AXIN2: variants seen among roughly 807,000 people sequenced by gnomAD.
AXIN2 encodes axin 2, also known as axin-2.
AXIN2 carries 21 observed loss-of-function variants against 74.7 expected under a neutral mutation model. That is an observed-to-expected ratio of 0.28 (90% confidence interval 0.20 to 0.40). The LOEUF (loss-of-function observed/expected upper bound fraction) is 0.40. Ranked by LOEUF, AXIN2 falls within the 10% of genes least tolerant of loss-of-function variation. The pLI is 1.00. For synonymous variants in AXIN2, 532 were observed against 454.9 expected, an observed-to-expected ratio of 1.17 and a Z score of -2.16; for missense variants, 1,144 against 1,111.1, an observed-to-expected ratio of 1.03 and a Z score of -0.42.
chr17:65,554,989 A>G (rs912619735), intron 2 of AXIN2, among the ~76,000 whole-genome samples: 1 of 152,156 alleles, frequency 6.6e-6, no homozygotes, highest in African/African-American at 2.4e-5. Context: ...GGTTATTTAT[A>G]GCCATTGTCA....
chr17:65,545,554 G>A (rs2044106682), intron 3 of AXIN2, among the ~76,000 whole-genome samples: 1 of 152,086 alleles, frequency 6.6e-6, no homozygotes, highest in Admixed American at 6.5e-5. Context: ...TGGGCGTGGT[G>A]GTGCACGCCT....
chr17:65,534,180 C>T (rs774904017), intron 9 of AXIN2, 101 bp from the exon 10 acceptor site: 36 of 1,421,540 alleles, frequency 2.5e-5, no homozygotes, highest in African/African-American at 5.6e-5. Flanking sequence ...ACAGGGTATC[C>T]AAACACTAGG....
At chr17:65,530,968 C>A (rs1223831491) in intron 10 of AXIN2, among the ~76,000 whole-genome samples, 2 of 152,222 alleles carry the variant, frequency 1.3e-5, no homozygotes, top group South Asian at 4.1e-4. Context: ...TTGGGCCAGG[C>A]CCACCCCTAA....
At chr17:65,534,115 TTAAAGCAGACACACATC>T (rs779380928) in intron 9 of AXIN2, 36 bp from the exon 10 acceptor site, 1 of 1,613,354 alleles carries the variant, frequency 6.2e-7, no homozygotes, top group South Asian at 1.1e-5. Flanking sequence ...GTTTAGCATT[TTAAAGCAGACACACATC>T]TAAAGCAAAC....
In AXIN2 at chr17:65,558,217, T is replaced by G. The variant is rs2044302441; in HGVS notation, c.404A>C (p.Tyr135Ser). 1 of 1,614,070 alleles carries G rather than the reference T, an allele frequency of 6.2e-7. No homozygotes were observed. The highest frequency in any genetic ancestry group is 2.2e-5 in the East Asian group (1 of 44,890). The change falls in exon 2 of 11, where the codon TAC becomes TCC. Residue 135 changes from tyrosine (Y) to serine (S), a missense_variant. Physicochemically the swap from Tyr to Ser is moderately radical, Grantham distance 144. Around this residue, in one of 4 missense-constraint regions of AXIN2, gnomAD observed 1,053 missense variants for 973.5 expected, o/e 1.08. Coordinates refer to ENST00000307078, the MANE Select transcript of AXIN2 (RefSeq NM_004655.4). ...TKTLRVAKAI[Y>S]KRYIENNSIV... Reference sequence around the variant, plus strand: ...GCTGTTGTTCTCAATGTACCTTTTGTAGATCGCTTTGGCTACTCGTAAAGT... The same window carrying G: ...GCTGTTGTTCTCAATGTACCTTTTGGAGATCGCTTTGGCTACTCGTAAAGT...
Position 65,528,808 on chromosome 17 carries a change from C to T in AXIN2, c.*1168G>A, listed in dbSNP as rs1055440482. The T allele has an allele frequency of 8.4e-6, 4 of 476,420 alleles. No individual in the cohort carries two copies. Among genetic ancestry groups the T allele is most frequent in the African/African-American group, 2.0e-5 (1 of 50,850 alleles). 29.5% of individuals were successfully genotyped at this position (476,420 alleles called of 1,614,324 possible). Reference sequence around the variant, plus strand: ...CCTCAATATAGGGCGACACACGGAGCGGGTGACCGTGCAGGTACAGGTACT... The same window carrying T: ...CCTCAATATAGGGCGACACACGGAGTGGGTGACCGTGCAGGTACAGGTACT... On this transcript the variant is annotated 3_prime_UTR_variant, in exon 11 of 11. Coordinates refer to ENST00000307078, the MANE Select transcript of AXIN2 (RefSeq NM_004655.4).
At chr17:65,535,818 G>C in intron 8 of AXIN2, 97 bp from the exon 9 acceptor site, 1 of 1,115,054 alleles carries the variant, frequency 9.0e-7, no homozygotes, top group East Asian at 2.5e-5. Context: ...CTCCTGAAGA[G>C]ACACGAACCC....
chr17:65,537,132 C>G (rs868385436), intron 6 of AXIN2, 69 bp from the exon 7 acceptor site: 1 of 1,570,232 alleles, frequency 6.4e-7, no homozygotes, highest in South Asian at 1.1e-5. Flanking sequence ...TAGAATCAGA[C>G]AATTCAGCAA....
rs2144500999 is a variant in AXIN2, at chr17:65,541,561, A to C, written c.957-4T>G. Reference sequence around the variant, plus strand: ...ACGATAAGGAGGAATTCCATCTCTAAGGGAAAGGAAAAGACAGAATCCACA... The same window carrying C: ...ACGATAAGGAGGAATTCCATCTCTACGGGAAAGGAAAAGACAGAATCCACA... On this transcript the variant is annotated splice_region_variant and splice_polypyrimidine_tract_variant and intron_variant, in intron 3 of 10. Transcript: ENST00000307078. 2 of 1,611,646 alleles carry C rather than the reference A, an allele frequency of 1.2e-6. No individual in the cohort carries two copies. The highest frequency in any genetic ancestry group is 1.7e-6 in the Non-Finnish European group (2 of 1,177,690).
intron 2 of AXIN2, 138 bp from the exon 3 acceptor site, chr17:65,549,798 C>G: frequency 8.5e-7 from 1 of 1,171,324 alleles, no homozygotes; most frequent in Non-Finnish European, 1.2e-6. Context: ...AGTTGCTCAC[C>G]TGGGCAGAAA....
chr17:65,555,405 CTT>C (rs528913120), intron 2 of AXIN2, among the ~76,000 whole-genome samples: 36 of 152,148 alleles, frequency 2.4e-4, no homozygotes, highest in Non-Finnish European at 4.7e-4. Context: ...GAAAAACAGA[CTT>C]CAGTTCAATA....
intron 2 of AXIN2, among the ~76,000 whole-genome samples, chr17:65,557,326 TC>T (rs1170644616): frequency 6.6e-6 from 1 of 151,886 alleles, no homozygotes; most frequent in African/African-American, 2.4e-5. Context: ...ACAGAAAAGT[TC>T]AAAAAAAAAT....
rs776778201 is a variant in AXIN2 at position 65,558,589 on chromosome 17, G to A, written c.32C>T (p.Pro11Leu). The change falls in exon 2 of 11, where the codon CCG (proline) becomes CTG (leucine). Residue 11 changes from proline to leucine, a missense_variant. By Grantham distance (98) the Pro-to-Leu change is moderately conservative. Coordinates refer to ENST00000307078, the MANE Select transcript of AXIN2 (RefSeq NM_004655.4). Reference protein sequence around the residue: MSSAMLVTCLPDPSSSFREDA... With the variant: MSSAMLVTCLLDPSSSFREDA... ...CTCACGGAAGCTGCTGCTGGGGTCC[G>A]GGAGGCAAGTCACCAACATAGCGCT... is the stretch of plus-strand genomic sequence containing the variant. 2.5e-6 allele frequency: 4 copies of A among 1,610,176 alleles called. No individual in the cohort carries two copies. Among genetic ancestry groups the A allele is most frequent in the South Asian group, 1.1e-5 (1 of 91,072 alleles).
Position 65,529,336 on chromosome 17 carries a change from C to T in AXIN2, c.*640G>A. On this transcript the variant is annotated 3_prime_UTR_variant, in exon 11 of 11. Transcript: ENST00000307078. ...TCAAGACCTTTAAGACAAAACAGAG[C>T]AGCATAGGAAAAAAAAAAACAAAAC... is the stretch of plus-strand genomic sequence containing the variant. The T allele has an allele frequency of 4.2e-6, 1 of 238,702 alleles. No individual in the cohort carries two copies. The highest frequency in any genetic ancestry group is 8.2e-6 in the Non-Finnish European group (1 of 121,836). 14.8% of individuals were successfully genotyped at this position (238,702 alleles called of 1,614,324 possible).
intron 2 of AXIN2, among the ~76,000 whole-genome samples, chr17:65,551,124 T>C (rs2044186411): frequency 1.3e-5 from 2 of 152,210 alleles, no homozygotes; most frequent in Admixed American, 1.3e-4. Context: ...AGGAGTGCCT[T>C]AGTACAGGTA....
chr17:65,559,087 G>C (rs1010305444), intron 1 of AXIN2, among the ~76,000 whole-genome samples: 4 of 152,072 alleles, frequency 2.6e-5, no homozygotes, highest in Non-Finnish European at 5.9e-5. Context: ...ACGCAGGGCA[G>C]CTCAGCCCGC....
intron 4 of AXIN2, among the ~76,000 whole-genome samples, chr17:65,540,254 AG>A (rs11334424): frequency 0.89 from 136,172 of 152,242 alleles, 60,917 homozygotes; most frequent in Middle Eastern, 0.96. Context: ...GGATGTCCCA[AG>A]GGGGGGCAGA....
rs1344107562 is a variant in AXIN2 at position 65,537,017 on chromosome 17, C to G, written c.1759G>C (p.Glu587Gln). ...TLPKRNGKGT[E>Q]PGLALPAREG... ...CTGGCGGGCAGGGCCAGGCCCGGCTCCGTGCCTTTCCCATTGCGTTTGGGC... is the reference window on the plus strand; with the variant it reads ...CTGGCGGGCAGGGCCAGGCCCGGCTGCGTGCCTTTCCCATTGCGTTTGGGC... Residue 587 changes from glutamate to glutamine, a missense_variant, in exon 7 of 11, where the codon GAG (glutamate) becomes CAG (glutamine). Glu to Gln is a conservative substitution (Grantham distance 29). Around this residue, in one of 4 missense-constraint regions of AXIN2, gnomAD observed 1,053 missense variants for 973.5 expected, o/e 1.08. Coordinates refer to ENST00000307078, the MANE Select transcript of AXIN2 (RefSeq NM_004655.4). 1.2e-6 allele frequency: 2 copies of G among 1,610,742 alleles called. No homozygotes were observed. The highest frequency in any genetic ancestry group is 2.2e-5 in the East Asian group (1 of 44,860).
chr17:65,532,038 G>A (rs551412793), intron 10 of AXIN2, among the ~76,000 whole-genome samples: 54 of 152,292 alleles, frequency 3.5e-4, no homozygotes, highest in African/African-American at 1.2e-3. Flanking sequence ...ACCCCAGGAG[G>A]ACACTGAGTC....
Sources: gnomAD v4.1 joint callset for allele counts (sites outside exome capture counted in the v4.1 genomes callset) on GRCh38, gnomAD v4.1.1 for gene constraint, gnomAD v4.1.1 regional missense constraint, MANE v1.5 for transcripts, NCBI Gene and HGNC (gene_info 2026-07-23, HGNC 2026-07-21) for gene names.